Variants in KCNJ6 observed in about 807,000 individuals in gnomAD.
KCNJ6 encodes potassium inwardly rectifying channel subfamily J member 6.
Under a neutral mutation model 34.2 loss-of-function variants are expected in KCNJ6, and 9 were observed. The ratio of observed to expected loss-of-function variants is 0.26; its 90% confidence interval spans 0.16 to 0.46. KCNJ6 has a LOEUF of 0.46. Ranked by LOEUF, KCNJ6 falls within the 20% of genes least tolerant of loss-of-function variation. The probability of loss-of-function intolerance (pLI) is 1.00; values close to 1 mark genes in which losing one functional copy is unlikely to be tolerated. For missense variants in KCNJ6, 236 were observed against 531.3 expected (o/e 0.44, Z 5.46); for synonymous variants, 196 against 207.1 (o/e 0.95, Z 0.46).
In KCNJ6 at chr21:37,607,484, T is replaced by TATATATATATATATA. The variant is rs35281433; in HGVS notation, c.*17674_*17675insTATATATATATATAT. ...TAAAGATATATATATATATATATAT[T>TATATATATATATATA]TTTTTTTTATTTTAAAAAAATTTGG... On this transcript the variant is annotated 3_prime_UTR_variant, in exon 4 of 4. Coordinates refer to ENST00000609713, the MANE Select transcript of KCNJ6 (RefSeq NM_002240.5). 388 of 62,102 alleles carry TATATATATATATATA rather than the reference T, an allele frequency of 6.2e-3. 4 individuals are homozygous for TATATATATATATATA. Among genetic ancestry groups the TATATATATATATATA allele is most frequent in the Non-Finnish European group, 9.7e-3 (282 of 29,204 alleles). 3.8% of individuals were successfully genotyped at this position (62,102 alleles called of 1,614,324 possible). A position where few individuals can be genotyped will look rare whatever the true frequency, so the allele number is the denominator to read the frequency against.
At chr21:37,672,500 G>T (rs1185277574) in intron 3 of KCNJ6, among the ~76,000 whole-genome samples, 2 of 151,946 alleles carry the variant, frequency 1.3e-5, no homozygotes, top group Non-Finnish European at 2.9e-5. Flanking sequence ...TGGGTTTTTG[G>T]TTGTATGAGC....
At chr21:37,913,581 A>G (rs577171282) in intron 1 of KCNJ6, among the ~76,000 whole-genome samples, 1 of 152,200 alleles carries the variant, frequency 6.6e-6, no homozygotes, top group African/African-American at 2.4e-5. Context: ...GCACTCTGGG[A>G]GGCTGAGGCA....
chr21:37,677,810 A>G (rs1245697458), intron 3 of KCNJ6, among the ~76,000 whole-genome samples: 2 of 137,266 alleles, frequency 1.5e-5, no homozygotes, highest in Non-Finnish European at 3.0e-5. Context: ...CCACCCACCC[A>G]TCCAGTCATT....
chr21:37,768,033 G>T (rs908912466), intron 2 of KCNJ6, among the ~76,000 whole-genome samples: 1 of 151,804 alleles, frequency 6.6e-6, no homozygotes, highest in African/African-American at 2.4e-5. Context: ...TATTTCCAAA[G>T]GACTTGGGTA....
At chr21:37,721,239 T>C (rs926715711) in intron 2 of KCNJ6, among the ~76,000 whole-genome samples, 9 of 152,296 alleles carry the variant, frequency 5.9e-5, no homozygotes, top group African/African-American at 1.9e-4. Flanking sequence ...CCACTTCACA[T>C]CTATTAGATG....
chr21:37,669,625 T>C (rs2054533058), intron 3 of KCNJ6, among the ~76,000 whole-genome samples: 1 of 151,656 alleles, frequency 6.6e-6, no homozygotes, highest in South Asian at 2.1e-4. Context: ...GCATCTCTGC[T>C]ATAATGCAGG....
chr21:37,782,487 G>A lies in KCNJ6; in HGVS notation c.25+58171C>T, dbSNP rs190770140. On this transcript the variant is annotated intron_variant, in intron 2 of 3. Transcript: ENST00000609713. ...TGCCCACTTGCTCCCTTAGGGCCAC[G>A]CTTGCTGACTGCAACCTCTTGGTCC... 2.0e-3 allele frequency among the ~76,000 whole-genome samples: 309 copies of A among 152,210 alleles called. 2 individuals carry two copies. The highest frequency in any genetic ancestry group is 6.9e-3 in the African/African-American group (287 of 41,526).
At chr21:37,840,583 G>C in intron 2 of KCNJ6, 75 bp downstream of exon 2, 1 of 961,706 alleles carries the variant, frequency 1.0e-6, no homozygotes, top group Non-Finnish European at 1.7e-6. Context: ...ATCATCACAC[G>C]GGATGTCTTT....
intron 2 of KCNJ6, among the ~76,000 whole-genome samples, chr21:37,818,037 A>G (rs1267485424): frequency 1.3e-5 from 2 of 152,328 alleles, no homozygotes; most frequent in Admixed American, 6.5e-5. Context: ...CATTCTCTTC[A>G]TTCTCAGCAA....
chr21:37,715,434 C>T (rs1018744829), intron 2 of KCNJ6, among the ~76,000 whole-genome samples: 6 of 152,214 alleles, frequency 3.9e-5, no homozygotes, highest in African/African-American at 1.4e-4. Flanking sequence ...CAGAGGGATG[C>T]CTCCCAACTC....
At chr21:37,711,062 G>T (rs2054749274) in intron 3 of KCNJ6, among the ~76,000 whole-genome samples, 1 of 152,218 alleles carries the variant, frequency 6.6e-6, no homozygotes, top group African/African-American at 2.4e-5. Context: ...GTGGGCATGG[G>T]TCTGTCTTTT....
chr21:37,674,101 T>C (rs1351889038), intron 3 of KCNJ6, among the ~76,000 whole-genome samples: 1 of 152,180 alleles, frequency 6.6e-6, no homozygotes, highest in African/African-American at 2.4e-5. Context: ...ATCCCTGAAA[T>C]ATGCCCCAGA....
chr21:37,656,067 T>C (rs939105322), intron 3 of KCNJ6, among the ~76,000 whole-genome samples: 2 of 152,170 alleles, frequency 1.3e-5, no homozygotes, highest in African/African-American at 4.8e-5. Flanking sequence ...AGACGTGGCA[T>C]GCACACGTTA....
chr21:37,837,139 G>A (rs937755599), intron 2 of KCNJ6, among the ~76,000 whole-genome samples: 2 of 151,872 alleles, frequency 1.3e-5, no homozygotes, highest in African/African-American at 4.8e-5. Context: ...TCTATGCTTT[G>A]TGCGTGTTTT....
intron 2 of KCNJ6, among the ~76,000 whole-genome samples, chr21:37,751,018 C>A (rs544973993): frequency 3.7e-4 from 57 of 152,318 alleles, no homozygotes; most frequent in African/African-American, 1.3e-3. Context: ...AACTACAAGG[C>A]CTCTGAAATG....
intron 2 of KCNJ6, among the ~76,000 whole-genome samples, chr21:37,833,139 A>C: frequency 6.6e-6 from 1 of 152,068 alleles, no homozygotes; most frequent in Non-Finnish European, 1.5e-5. Flanking sequence ...CTCAGCCTCC[A>C]GAATAGCTGG....
intron 3 of KCNJ6, among the ~76,000 whole-genome samples, chr21:37,627,363 A>G (rs2054315790): frequency 6.6e-6 from 1 of 152,232 alleles, no homozygotes; most frequent in African/African-American, 2.4e-5. Flanking sequence ...GTATTAGGAA[A>G]AAAAAGGTCA....
chr21:37,634,233 G>A (rs1490069895), intron 3 of KCNJ6, among the ~76,000 whole-genome samples: 2 of 152,164 alleles, frequency 1.3e-5, no homozygotes, highest in African/African-American at 2.4e-5. Context: ...AAGGTAATGA[G>A]TAAGTTCTCG....
rs193274374 is a variant in KCNJ6, at chr21:37,758,193, C to G, written c.26-43062G>C. ...GACAGTGGGAGTGACGGGGCAGAGT[C>G]ACCACGGAGGTGGGTGTCTGCAGAT... On this transcript the variant is annotated intron_variant, in intron 2 of 3. Coordinates refer to ENST00000609713, the MANE Select transcript of KCNJ6 (RefSeq NM_002240.5). Among the ~76,000 whole-genome samples, 375 of 151,496 alleles carry G rather than the reference C, an allele frequency of 2.5e-3. 4 individuals carry two copies. The highest frequency in any genetic ancestry group is 8.7e-3 in the African/African-American group (357 of 40,852).
Sources: allele counts gnomAD v4.1 joint callset (sites outside exome capture counted in the v4.1 genomes callset), GRCh38; gene constraint gnomAD v4.1.1; transcripts MANE v1.5; gene names NCBI Gene and HGNC (gene_info 2026-07-23, HGNC 2026-07-21).